Variants in CSMD1 observed in about 807,000 individuals in gnomAD.
CSMD1 encodes the protein CUB and Sushi multiple domains 1.
CSMD1 carries 213 observed loss-of-function variants against 417.5 expected under a neutral mutation model. The observed-to-expected ratio is 0.51, with a 90% CI of 0.46 to 0.57. The LOEUF is 0.57. Among genes scored for constraint, CSMD1 ranks in the 20% least tolerant of loss-of-function variants. The pLI is 0.00. For synonymous variants in CSMD1, 2,862 were observed against 1,736.8 expected, an observed-to-expected ratio of 1.65 and a Z score of -16.11; for missense variants, 6,923 against 4,529.7, an observed-to-expected ratio of 1.53 and a Z score of -15.17.
chr8:4,500,706 C>T lies in CSMD1; in HGVS notation c.303-80641G>A, dbSNP rs149737629. On this transcript the variant is annotated intron_variant, in intron 2 of 69. Coordinates refer to ENST00000635120, the MANE Select transcript of CSMD1 (RefSeq NM_033225.6). The stretch of plus-strand genomic sequence containing the variant: ...GGGAGTGGTGGAGGTTTTCCTCTTG[C>T]GATAAAGAATTGAGCTGTAAATTTT... Among the ~76,000 whole-genome samples, 810 of 152,034 alleles carry T rather than the reference C, an allele frequency of 5.3e-3. 8 individuals carry two copies. The highest frequency in any genetic ancestry group is 0.018 in the African/African-American group (754 of 41,456).
rs1008391496 is a variant in CSMD1 at position 4,076,300 on chromosome 8, T to A, written c.416-44201A>T. ...GTTTGCTTCTCCCTCTGCCATGATT[T>A]TAAGTTTCCTGAGGCCTCCCAGCCT... is the stretch of plus-strand genomic sequence containing the variant. On this transcript the variant is annotated intron_variant, in intron 3 of 69. Transcript: ENST00000635120. Among the ~76,000 whole-genome samples, 4 of 152,328 alleles carry A rather than the reference T, an allele frequency of 2.6e-5. No homozygotes were observed. The East Asian group carries it at 7.7e-4, about 29-fold the overall frequency.
At chr8:3,299,439 C>T (rs1402005230) in intron 25 of CSMD1, among the ~76,000 whole-genome samples, 3 of 151,784 alleles carry the variant, frequency 2.0e-5, no homozygotes, top group Admixed American at 2.0e-4. Flanking sequence ...GGGACAAGAG[C>T]AACACTTTGT....
rs575561569 is a variant in CSMD1 at position 4,855,772 on chromosome 8, C to A, written c.85+138560G>T. ...AGAAATAAGGGACTATGTGAAAAGA[C>A]CAAATCTACGTCTGATTGGTGTACC... On this transcript the variant is annotated intron_variant, in intron 1 of 69. Transcript: ENST00000635120. 6.6e-3 allele frequency among the ~76,000 whole-genome samples: 1,003 copies of A among 151,738 alleles called. 12 individuals are homozygous for A. The highest frequency in any genetic ancestry group is 0.023 in the African/African-American group (939 of 41,330).
chr8:3,439,531 A>G (rs1331443618), intron 12 of CSMD1, among the ~76,000 whole-genome samples: 1 of 147,648 alleles, frequency 6.8e-6, no homozygotes, highest in Non-Finnish European at 1.5e-5. Flanking sequence ...GTAATTGTAG[A>G]GTCTTAAGAG....
rs537293843 is a variant in CSMD1, at chr8:3,253,658, G to GAGTCA, written c.4154-23428_4154-23427insTGACT. Among the ~76,000 whole-genome samples the GAGTCA allele has an allele frequency of 2.9e-3, 443 of 152,252 alleles. 2 individuals are homozygous for GAGTCA. The highest frequency in any genetic ancestry group is 0.01 in the African/African-American group (422 of 41,546). ...AAAGTCTGCCATTATTATTGTGTGGGAGTCTAAGTCTCTTTGTAGGTCTCT... is the reference window on the plus strand; with the variant it reads ...AAAGTCTGCCATTATTATTGTGTGGGAGTCAAGTCTAAGTCTCTTTGTAGGTCTCT... On this transcript the variant is annotated intron_variant, in intron 26 of 69. Transcript: ENST00000635120.
At position 3,237,823 on chromosome 8, in the gene CSMD1, C is replaced by CAAATATAATTTTTATAATTATACTAT. The variant is rs1563171819; in HGVS notation, c.4154-7593_4154-7592insATAGTATAATTATAAAAATTATATTT. Among the ~76,000 whole-genome samples, 58 of 23,724 alleles carry CAAATATAATTTTTATAATTATACTAT rather than the reference C, an allele frequency of 2.4e-3. 7 individuals are homozygous for CAAATATAATTTTTATAATTATACTAT. The highest frequency in any genetic ancestry group is 6.1e-3 in the East Asian group (6 of 988). The allele number at this position is 23,724 out of a possible 152,430, so 15.6% of individuals were successfully genotyped here. On this transcript the variant is annotated intron_variant, in intron 26 of 69. Coordinates refer to ENST00000635120, the MANE Select transcript of CSMD1 (RefSeq NM_033225.6). ...AATTTTTATAATTATACTTATACTA[C>CAAATATAATTTTTATAATTATACTAT]AAGTATAATTTTTATAATTATACTT...
chr8:4,219,252 T>C (rs1159606968), intron 3 of CSMD1, among the ~76,000 whole-genome samples: 1 of 152,220 alleles, frequency 6.6e-6, no homozygotes, highest in African/African-American at 2.4e-5. Flanking sequence ...TAAATATAGT[T>C]ACCACTTTAC....
chr8:3,677,368 T>C (rs182230603), intron 7 of CSMD1, among the ~76,000 whole-genome samples: 276 of 152,270 alleles, frequency 1.8e-3, no homozygotes, highest in African/African-American at 6.4e-3. Context: ...TAAGCAGTTA[T>C]TTGCCTCCCA....
intron 7 of CSMD1, among the ~76,000 whole-genome samples, chr8:3,649,116 G>C (rs1797720531): frequency 2.0e-5 from 3 of 152,128 alleles, no homozygotes; most frequent in Admixed American, 1.3e-4. Flanking sequence ...TGATTCAGTA[G>C]CAATACTGTA....
chr8:4,862,497 C>T (rs1041793647), intron 1 of CSMD1, among the ~76,000 whole-genome samples: 1 of 151,992 alleles, frequency 6.6e-6, no homozygotes, highest in Admixed American at 6.6e-5. Context: ...CAGTGATAAG[C>T]AGTGAAATAT....
chr8:3,967,677 G>A (rs2627468), intron 5 of CSMD1, among the ~76,000 whole-genome samples: 31,955 of 151,874 alleles, frequency 0.21, 3,557 homozygotes, highest in Admixed American at 0.3. Flanking sequence ...GTCAATACGT[G>A]CTGGGGTGAG....
chr8:3,384,696 T>G (rs1810864657), intron 18 of CSMD1, among the ~76,000 whole-genome samples: 1 of 118,048 alleles, frequency 8.5e-6, no homozygotes, highest in African/African-American at 3.3e-5. Flanking sequence ...TATATTTATA[T>G]AAATTATATA....
At chr8:4,464,111 G>C (rs937314474) in intron 2 of CSMD1, among the ~76,000 whole-genome samples, 4 of 151,860 alleles carry the variant, frequency 2.6e-5, no homozygotes, top group African/African-American at 4.8e-5. Flanking sequence ...GAATGAGATA[G>C]AGCTCAGAAC....
intron 8 of CSMD1, among the ~76,000 whole-genome samples, chr8:3,604,236 G>C (rs1801497184): frequency 6.6e-6 from 1 of 152,074 alleles, no homozygotes. Flanking sequence ...TGGAAGCATA[G>C]ACGTGCATAG....
At chr8:4,510,424 C>CAAAAAAAAAAAAAAAAAAAAAA (rs1225463197) in intron 2 of CSMD1, among the ~76,000 whole-genome samples, 7 of 70,340 alleles carry the variant, frequency 1.0e-4, no homozygotes, top group African/African-American at 3.9e-4. Flanking sequence ...AAAAAAAAAG[C>CAAAAAAAAAAAAAAAAAAAAAA]AAATACTTTG....
At chr8:3,938,420 A>G (rs1016064398) in intron 5 of CSMD1, among the ~76,000 whole-genome samples, 10 of 152,188 alleles carry the variant, frequency 6.6e-5, no homozygotes, top group Admixed American at 1.3e-4. Context: ...GGGCTTCAAA[A>G]GAATAGTAGA....
intron 27 of CSMD1, among the ~76,000 whole-genome samples, chr8:3,224,089 C>T (rs1343066825): frequency 3.9e-5 from 6 of 152,200 alleles, no homozygotes; most frequent in Admixed American, 1.3e-4. Flanking sequence ...CATAATATTC[C>T]ACCCCATTTT....
intron 10 of CSMD1, among the ~76,000 whole-genome samples, chr8:3,508,672 C>T (rs1796936721): frequency 6.6e-6 from 1 of 152,044 alleles, no homozygotes; most frequent in African/African-American, 2.4e-5. Flanking sequence ...GTACTTCCAG[C>T]TTATCTATTA....
intron 2 of CSMD1, among the ~76,000 whole-genome samples, chr8:4,425,096 C>T (rs980238): frequency 9.2e-5 from 14 of 151,650 alleles, no homozygotes; most frequent in African/African-American, 2.2e-4. Context: ...ATATATTCGC[C>T]TAAGTTAGGT....
Sources: allele counts gnomAD v4.1 joint callset (sites outside exome capture counted in the v4.1 genomes callset), GRCh38; gene constraint gnomAD v4.1.1; transcripts MANE v1.5; gene names NCBI Gene and HGNC (gene_info 2026-07-23, HGNC 2026-07-21).